Variants in MARCHF1 observed in about 807,000 individuals in gnomAD.
MARCHF1 encodes the protein E3 ubiquitin-protein ligase MARCHF1.
A neutral mutation model predicts 54.2 loss-of-function variants in MARCHF1; 40 were observed. The observed-to-expected ratio is 0.74, with a 90% CI of 0.57 to 0.96. MARCHF1 has a LOEUF of 0.96. MARCHF1 is among the 40% of genes least tolerant of loss of function. The pLI is 0.00. For synonymous variants in MARCHF1, 236 were observed against 236.3 expected, an observed-to-expected ratio of 1.00 and a Z score of 0.01; for missense variants, 586 against 656.5, an observed-to-expected ratio of 0.89 and a Z score of 1.17.
intron 3 of MARCHF1, among the ~76,000 whole-genome samples, chr4:163,908,484 AT>A (rs1388740761): frequency 6.6e-6 from 1 of 152,216 alleles, no homozygotes; most frequent in Admixed American, 6.5e-5. Context: ...TATCAATAAA[AT>A]TCCAAGTTCA....
intron 9 of MARCHF1, among the ~76,000 whole-genome samples, chr4:163,531,193 T>C (rs916039854): frequency 1.3e-5 from 2 of 151,848 alleles, no homozygotes; most frequent in African/African-American, 4.8e-5. Context: ...AGAAAAGTTA[T>C]AGGCCAGTAT....
At chr4:164,162,483 C>A (rs1730264489) in intron 1 of MARCHF1, among the ~76,000 whole-genome samples, 1 of 152,046 alleles carries the variant, frequency 6.6e-6, no homozygotes, top group Non-Finnish European at 1.5e-5. Context: ...AGTAAATGAC[C>A]AATCAGCCTG....
At chr4:164,343,387 G>C (rs1225966907) in intron 1 of MARCHF1, among the ~76,000 whole-genome samples, 1 of 152,022 alleles carries the variant, frequency 6.6e-6, no homozygotes, top group African/African-American at 2.4e-5. Flanking sequence ...AGTTTCTGCA[G>C]GGTAAAAGAA....
intron 9 of MARCHF1, among the ~76,000 whole-genome samples, chr4:163,537,428 A>G (rs1199682290): frequency 1.3e-5 from 2 of 152,206 alleles, no homozygotes; most frequent in Admixed American, 6.5e-5. Context: ...GTCCTCAGTC[A>G]TATATAAAGC....
At position 163,620,590 on chromosome 4, in the gene MARCHF1, CACACACACACACACACAGAGAGAGAGAG is replaced by C. The variant is rs1560978530; in HGVS notation, c.163-7225_163-7198del. ...CACCACACACACACACACACACACA[CACACACACACACACACAGAGAGAGAGAG>C]AGAGAGAGAGAGAGAGAGAGAGAGA... On this transcript the variant is annotated intron_variant, in intron 5 of 9. Coordinates refer to ENST00000514618, the MANE Select transcript of MARCHF1 (RefSeq NM_001394959.1). Among the ~76,000 whole-genome samples, 7 of 85,560 alleles carry C rather than the reference CACACACACACACACACAGAGAGAGAGAG, an allele frequency of 8.2e-5. 1 individual carries two copies. Among genetic ancestry groups the C allele is most frequent in the Non-Finnish European group, 1.3e-4 (6 of 47,090 alleles). The allele number at this position is 85,560 out of a possible 152,430, so 56.1% of individuals were successfully genotyped here.
chr4:163,654,671 C>T (rs928683173), intron 5 of MARCHF1, among the ~76,000 whole-genome samples: 1 of 151,658 alleles, frequency 6.6e-6, no homozygotes, highest in Non-Finnish European at 1.5e-5. Flanking sequence ...TCAACTCCAA[C>T]TTTCTTTTGC....
intron 5 of MARCHF1, among the ~76,000 whole-genome samples, chr4:163,691,235 C>CAT (rs1419304800): frequency 6.6e-6 from 1 of 152,164 alleles, no homozygotes; most frequent in Non-Finnish European, 1.5e-5. Flanking sequence ...ATGTCATGAT[C>CAT]ATATATTCAC....
intron 4 of MARCHF1, among the ~76,000 whole-genome samples, chr4:163,851,116 T>A (rs1749630537): frequency 6.6e-6 from 1 of 152,026 alleles, no homozygotes; most frequent in Non-Finnish European, 1.5e-5. Flanking sequence ...TAACTCTAGG[T>A]CCCATTATCT....
intron 2 of MARCHF1, among the ~76,000 whole-genome samples, chr4:164,081,339 G>T (rs1755097636): frequency 6.7e-6 from 1 of 150,096 alleles, no homozygotes. Flanking sequence ...CTTGTTCATT[G>T]GTTCTATTTC....
At chr4:163,803,361 C>T (rs1033343381) in intron 4 of MARCHF1, among the ~76,000 whole-genome samples, 14 of 151,976 alleles carry the variant, frequency 9.2e-5, no homozygotes, top group African/African-American at 1.9e-4. Context: ...TTAGTAGAGA[C>T]GGGGTTTCGC....
At chr4:163,537,344 A>C (rs1019322797) in intron 9 of MARCHF1, among the ~76,000 whole-genome samples, 3 of 152,198 alleles carry the variant, frequency 2.0e-5, no homozygotes, top group African/African-American at 7.2e-5. Context: ...ACACCACAAA[A>C]AAGGACAATG....
rs540533759 is a variant in MARCHF1 at position 164,092,268 on chromosome 4, T to C, written c.-248+19320A>G. 7.2e-5 allele frequency among the ~76,000 whole-genome samples: 11 copies of C among 152,260 alleles called. No individual in the cohort carries two copies. The East Asian group carries it at 1.5e-3, about 21-fold the overall frequency. On this transcript the variant is annotated intron_variant, in intron 2 of 9. Coordinates refer to ENST00000514618, the MANE Select transcript of MARCHF1 (RefSeq NM_001394959.1). ...CACTGGAATAGACACTTATTCTGGA[T>C]ATGCATCTGTCTTCCCTGACAAAAA...
chr4:164,203,629 A>G (rs946631043), intron 1 of MARCHF1, among the ~76,000 whole-genome samples: 4 of 152,224 alleles, frequency 2.6e-5, no homozygotes, highest in African/African-American at 9.6e-5. Flanking sequence ...AAAACAAAAC[A>G]AAACAAACCT....
At chr4:164,283,785 G>C (rs1268395663) in intron 1 of MARCHF1, among the ~76,000 whole-genome samples, 1 of 150,894 alleles carries the variant, frequency 6.6e-6, no homozygotes, top group Non-Finnish European at 1.5e-5. Flanking sequence ...GAAGATGGAA[G>C]AAAATGCAGG....
chr4:163,998,257 C>T (rs145571803), intron 2 of MARCHF1, among the ~76,000 whole-genome samples: 81 of 151,440 alleles, frequency 5.3e-4, no homozygotes, highest in African/African-American at 2.0e-3. Flanking sequence ...AAGTCTCATA[C>T]ATTAGAGCAT....
intron 1 of MARCHF1, among the ~76,000 whole-genome samples, chr4:164,271,774 C>A (rs2111309751): frequency 1.3e-5 from 2 of 151,514 alleles, no homozygotes; most frequent in South Asian, 2.1e-4. Flanking sequence ...GTCATAGAAC[C>A]AAGAAAAACA....
At chr4:164,142,332 G>GGCCT (rs1474436913) in intron 1 of MARCHF1, among the ~76,000 whole-genome samples, 9 of 152,156 alleles carry the variant, frequency 5.9e-5, no homozygotes, top group Non-Finnish European at 1.2e-4. Context: ...AGCTCAAGGA[G>GGCCT]GCCTGCCTGC....
At chr4:163,908,767 C>G (rs1207796014) in intron 3 of MARCHF1, among the ~76,000 whole-genome samples, 2 of 152,112 alleles carry the variant, frequency 1.3e-5, no homozygotes, top group Non-Finnish European at 2.9e-5. Flanking sequence ...ATCCTGCGAG[C>G]ATCTCCCCAC....
At chr4:163,599,775 G>A (rs987251489) in intron 7 of MARCHF1, among the ~76,000 whole-genome samples, 4 of 152,156 alleles carry the variant, frequency 2.6e-5, no homozygotes, top group Admixed American at 2.6e-4. Context: ...TAATTTGCAT[G>A]TTTAAAAACT....
Sources: gnomAD v4.1 joint callset for allele counts (sites outside exome capture counted in the v4.1 genomes callset) on GRCh38, gnomAD v4.1.1 for gene constraint, MANE v1.5 for transcripts, NCBI Gene and HGNC (gene_info 2026-07-23, HGNC 2026-07-21) for gene names.